PLCB1: variants seen among roughly 807,000 people sequenced by gnomAD.
PLCB1 encodes the protein phospholipase C beta 1.
A neutral mutation model predicts 161.8 loss-of-function variants in PLCB1; 46 were observed. The observed-to-expected ratio is 0.28, with a 90% CI of 0.22 to 0.36. The LOEUF (loss-of-function observed/expected upper bound fraction) is 0.36. Ranked by LOEUF, PLCB1 falls within the 10% of genes least tolerant of loss-of-function variation. The pLI is 1.00. For missense variants in PLCB1, 1,016 were observed against 1,472.5 expected (o/e 0.69, Z 5.07); for synonymous variants, 517 against 503.7 (o/e 1.03, Z -0.35).
At chr20:8,594,512 C>G (rs1368362124) in intron 3 of PLCB1, among the ~76,000 whole-genome samples, 1 of 152,076 alleles carries the variant, frequency 6.6e-6, no homozygotes, top group Non-Finnish European at 1.5e-5. Flanking sequence ...CTACCTAGTT[C>G]CCAGGAGATG....
Position 8,230,056 on chromosome 20 carries a change from C to CAAAA in PLCB1, c.177+79710_177+79713dup, listed in dbSNP as rs547874616. ...CGGCAACAGAGTTGCGACTTGGCAG[C>CAAAA]AAAAAAAAAAAAAAAAAAAAAAAAA... On this transcript the variant is annotated intron_variant, in intron 2 of 31. Transcript: ENST00000338037. 8.2e-4 allele frequency among the ~76,000 whole-genome samples: 48 copies of CAAAA among 58,868 alleles called. 2 individuals carry two copies. Among genetic ancestry groups the CAAAA allele is most frequent in the African/African-American group, 1.8e-3 (42 of 22,748 alleles). 38.6% of individuals were successfully genotyped at this position (58,868 alleles called of 152,430 possible). A position where few individuals can be genotyped will look rare whatever the true frequency, so the allele number is the denominator to read the frequency against.
intron 3 of PLCB1, among the ~76,000 whole-genome samples, chr20:8,466,389 G>A (rs913853863): frequency 2.0e-5 from 3 of 150,478 alleles, no homozygotes; most frequent in Admixed American, 6.6e-5. Context: ...CGAGTTAGTG[G>A]GTGCAGCGCA....
chr20:8,714,346 G>A (rs1979184770), intron 12 of PLCB1, among the ~76,000 whole-genome samples: 2 of 152,222 alleles, frequency 1.3e-5, no homozygotes, highest in South Asian at 2.1e-4. Context: ...TTTCTTTAGT[G>A]CACTCTGGAA....
At chr20:8,356,351 C>A (rs1193069201) in intron 2 of PLCB1, among the ~76,000 whole-genome samples, 1 of 152,080 alleles carries the variant, frequency 6.6e-6, no homozygotes, top group Non-Finnish European at 1.5e-5. Context: ...TGCTAGGTCC[C>A]AACCTCTGGA....
At chr20:8,636,042 A>G (rs555118059) in intron 4 of PLCB1, among the ~76,000 whole-genome samples, 1 of 152,332 alleles carries the variant, frequency 6.6e-6, no homozygotes, top group South Asian at 2.1e-4. Context: ...TATGATGAGT[A>G]AGCAGTAGCT....
intron 3 of PLCB1, among the ~76,000 whole-genome samples, chr20:8,523,715 G>A (rs1041844108): frequency 6.6e-6 from 1 of 151,216 alleles, no homozygotes; most frequent in Admixed American, 6.6e-5. Context: ...CACTAAAAGG[G>A]GACAAATGGA....
At chr20:8,647,977 T>C (rs565846083) in intron 6 of PLCB1, 24 bp downstream of exon 6, 2 of 1,482,900 alleles carry the variant, frequency 1.3e-6, no homozygotes, top group African/African-American at 2.8e-5. Context: ...GCATTTCTCA[T>C]TATTCATTTT....
At chr20:8,621,719 A>C (rs753715784) in intron 3 of PLCB1, among the ~76,000 whole-genome samples, 12 of 152,340 alleles carry the variant, frequency 7.9e-5, no homozygotes, top group Non-Finnish European at 1.5e-4. Context: ...AACTGCATCA[A>C]ATTGGATATA....
intron 3 of PLCB1, among the ~76,000 whole-genome samples, chr20:8,579,896 T>C (rs1171018927): frequency 1.3e-5 from 2 of 152,196 alleles, no homozygotes; most frequent in South Asian, 2.1e-4. Flanking sequence ...AGGTCTTTTA[T>C]TGTTGTTTCC....
chr20:8,367,753 T>A (rs1391558927), intron 2 of PLCB1, among the ~76,000 whole-genome samples: 1 of 152,228 alleles, frequency 6.6e-6, no homozygotes, highest in Non-Finnish European at 1.5e-5. Context: ...TTGTTAAAAC[T>A]ATTGTCACGA....
At chr20:8,268,135 G>A (rs1158872153) in intron 2 of PLCB1, among the ~76,000 whole-genome samples, 6 of 151,202 alleles carry the variant, frequency 4.0e-5, no homozygotes, top group South Asian at 2.1e-4. Flanking sequence ...CCTCATGACC[G>A]GCCCCGGTGT....
chr20:8,333,073 ATG>A (rs1985428703), intron 2 of PLCB1, among the ~76,000 whole-genome samples: 1 of 152,178 alleles, frequency 6.6e-6, no homozygotes, highest in African/African-American at 2.4e-5. Context: ...AGGAGAAGTG[ATG>A]TGTGTCACTT....
chr20:8,254,134 A>T (rs1166059618), intron 2 of PLCB1, among the ~76,000 whole-genome samples: 2 of 151,998 alleles, frequency 1.3e-5, no homozygotes, highest in East Asian at 3.9e-4. Flanking sequence ...CATTTCAGAG[A>T]ACCTTTTCCC....
chr20:8,734,134 T>TTAAAAA (rs1980452762), intron 19 of PLCB1, among the ~76,000 whole-genome samples: 1 of 3,612 alleles, frequency 2.8e-4, no homozygotes, highest in Non-Finnish European at 6.2e-4. Context: ...AGACTCTGTC[T>TTAAAAA]CAAAAAAAAA....
intron 2 of PLCB1, among the ~76,000 whole-genome samples, chr20:8,179,649 G>T (rs886656747): frequency 6.6e-6 from 1 of 151,986 alleles, no homozygotes; most frequent in African/African-American, 2.4e-5. Context: ...TCTCTTGCCC[G>T]ATTGCTCTGG....
intron 3 of PLCB1, among the ~76,000 whole-genome samples, chr20:8,513,945 T>C (rs1236421182): frequency 1.3e-5 from 2 of 151,850 alleles, no homozygotes; most frequent in African/African-American, 4.8e-5. Flanking sequence ...GAAGATGGCT[T>C]GCCCCAGCAG....
At chr20:8,706,982 A>G (rs1475590418) in intron 11 of PLCB1, among the ~76,000 whole-genome samples, 1 of 152,224 alleles carries the variant, frequency 6.6e-6, no homozygotes, top group Non-Finnish European at 1.5e-5. Flanking sequence ...CAAGGATTCA[A>G]AAGTCGGTTT....
In PLCB1 at chr20:8,765,237, C is replaced by T. The variant is rs1264399608; in HGVS notation, c.2809C>T (p.His937Tyr). 1 of 1,613,572 alleles carries T rather than the reference C, an allele frequency of 6.2e-7. No homozygotes were observed. The highest frequency in any genetic ancestry group is 8.5e-7 in the Non-Finnish European group (1 of 1,179,648). ...YKEMKDLVKRHHKKTTDLIKE... is the reference protein window; with the variant it reads ...YKEMKDLVKRYHKKTTDLIKE... ...AGAAATGAAAGACCTGGTTAAGAGA[C>T]ACCACAAGAAAACCACTGACCTTAT... Residue 937 changes from histidine (H) to tyrosine (Y), a missense_variant, in exon 26 of 32, where the codon CAC becomes TAC. Transcript: ENST00000338037.
chr20:8,751,969 A>G (rs1359894005), intron 23 of PLCB1: 2 of 152,214 alleles, frequency 1.3e-5, no homozygotes, highest in Admixed American at 1.3e-4. Context: ...TTACAGATCC[A>G]TATAGTGGAA....
Sources: allele counts gnomAD v4.1 joint callset (sites outside exome capture counted in the v4.1 genomes callset), GRCh38; gene constraint gnomAD v4.1.1; transcripts MANE v1.5; gene names NCBI Gene and HGNC (gene_info 2026-07-23, HGNC 2026-07-21).